Variants in CIC observed in about 807,000 individuals in gnomAD.
The protein encoded by CIC is capicua transcriptional repressor, also known as protein capicua homolog.
Under a neutral mutation model 115.7 loss-of-function variants are expected in CIC, and 18 were observed. The observed-to-expected ratio is 0.16, with a 90% CI of 0.11 to 0.23. CIC has a LOEUF of 0.23. Ranked by LOEUF, CIC falls within the 10% of genes least tolerant of loss-of-function variation. CIC has a pLI of 1.00. For missense variants in CIC, 2,000 were observed against 2,159.3 expected (o/e 0.93, Z 1.46); for synonymous variants, 1,076 against 923.0 (o/e 1.17, Z -3.01).
intron 2 of CIC, among the ~76,000 whole-genome samples, chr19:42,282,463 CT>C (rs886184166): frequency 4.8e-4 from 73 of 152,362 alleles, no homozygotes; most frequent in African/African-American, 1.7e-3. Context: ...TCCAGGGCCC[CT>C]CTTGGGTGAT....
At chr19:42,289,592 G>A (rs1206149505) in intron 9 of CIC, among the ~76,000 whole-genome samples, 186 bp downstream of exon 9, 2 of 152,234 alleles carry the variant, frequency 1.3e-5, no homozygotes, top group Admixed American at 6.5e-5. Context: ...CCCCAGCCCT[G>A]CAGGAAATCT....
rs746154502 is a variant in CIC at position 42,292,964 on chromosome 19, A to G, written c.6205A>G (p.Met2069Val). The G allele has an allele frequency of 7.0e-5, 113 of 1,613,588 alleles. No homozygotes were observed. Among genetic ancestry groups the G allele is most frequent in the East Asian group, 6.7e-5 (3 of 44,822 alleles). ...AATTTTCTCCCCACTAGCAGGTTCC[A>G]TGACCTACAGCTTAGTGGCCCCCAA... is the stretch of plus-strand genomic sequence containing the variant. ...SPFPSATAGS[M>V]TYSLVAPKAQ... The change falls in exon 16 of 21, where the codon ATG (methionine) becomes GTG (valine). Residue 2069 changes from methionine to valine, a missense_variant. Physicochemically the swap from Met to Val is conservative, Grantham distance 21. Coordinates refer to ENST00000681038, the MANE Select transcript of CIC (RefSeq NM_001386298.1).
chr19:42,290,207 G>A, intron 10 of CIC, 26 bp from the exon 11 acceptor site: 7 of 1,613,946 alleles, frequency 4.3e-6, no homozygotes, highest in South Asian at 1.1e-5. Flanking sequence ...GTCCTGACCT[G>A]GGGTGTCTCC....
At position 42,280,172 on chromosome 19, in the gene CIC, A is replaced by C. The variant is rs2037162484; in HGVS notation, c.2794+5595A>C. On this transcript the variant is annotated intron_variant, in intron 2 of 20. Transcript: ENST00000681038. This position sits in a 1 kb window ranked among gnomAD's most constrained non-coding sequence, Gnocchi z 4.9. ...GCGCCGCCTCCTCCACCCCCACCCT[A>C]TCCCCTGTTCCCGCTCCCCACGAGG... The C allele has an allele frequency of 6.7e-6, 1 of 148,368 alleles. No homozygotes were observed. The highest frequency in any genetic ancestry group is 2.1e-4 in the South Asian group (1 of 4,722). 9.2% of individuals were successfully genotyped at this position (148,368 alleles called of 1,614,324 possible). A position where few individuals can be genotyped will look rare whatever the true frequency, so the allele number is the denominator to read the frequency against.
intron 2 of CIC, chr19:42,284,214 C>G (rs1439597925): frequency 1.4e-5 from 2 of 140,850 alleles, no homozygotes; most frequent in African/African-American, 5.3e-5. Context: ...CGCCGGCAGC[C>G]GGGACGCGCG....
At chr19:42,286,456 G>C (rs144220015) in intron 2 of CIC, among the ~76,000 whole-genome samples, 11 of 152,206 alleles carry the variant, frequency 7.2e-5, no homozygotes, top group African/African-American at 2.6e-4. Context: ...AGCATGACCT[G>C]GTTTGTGGCA....
chr19:42,289,769 A>G (rs1342944302), intron 9 of CIC, 79 bp from the exon 10 acceptor site: 1 of 1,240,552 alleles, frequency 8.1e-7, no homozygotes, highest in Non-Finnish European at 1.2e-6. Context: ...AGCAGAGCTG[A>G]GATCCAGGCT....
chr19:42,288,571 T>C (rs889821854), intron 7 of CIC, among the ~76,000 whole-genome samples: 1 of 152,146 alleles, frequency 6.6e-6, no homozygotes, highest in Non-Finnish European at 1.5e-5. Flanking sequence ...CACTAGTTAC[T>C]TCCTCTTTGA....
At chr19:42,276,374 G>T (rs191426390) in intron 2 of CIC, among the ~76,000 whole-genome samples, 2 of 152,204 alleles carry the variant, frequency 1.3e-5, no homozygotes, top group African/African-American at 4.8e-5. Context: ...AACCACTGCT[G>T]CACCATAGAG....
intron 12 of CIC, 118 bp from the exon 13 acceptor site, chr19:42,291,968 C>G (rs1035756615): frequency 6.7e-7 from 1 of 1,489,376 alleles, no homozygotes; most frequent in Admixed American, 1.7e-5. Flanking sequence ...CCATCCTGTT[C>G]TCACCCCAAG....
intron 2 of CIC, chr19:42,284,222 G>C (rs1043972305): frequency 2.0e-5 from 3 of 147,360 alleles, no homozygotes; most frequent in African/African-American, 7.3e-5. Flanking sequence ...GCCGGGACGC[G>C]CGGGGCCAGA....
chr19:42,284,782 C>T, intron 2 of CIC: 1 of 1,548,900 alleles, frequency 6.5e-7, no homozygotes, highest in Non-Finnish European at 8.7e-7. Context: ...GTCAGTAGCG[C>T]CTGGGCCCTG....
chr19:42,289,492 G>A (rs1052665963), intron 9 of CIC, 86 bp downstream of exon 9: 8 of 1,411,212 alleles, frequency 5.7e-6, no homozygotes, highest in Non-Finnish European at 7.8e-6. Flanking sequence ...CAGGCCCCTA[G>A]GCCCCTTTGT....
intron 19 of CIC, 114 bp from the exon 20 acceptor site, chr19:42,294,488 CCT>C: frequency 2.6e-6 from 4 of 1,564,862 alleles, no homozygotes; most frequent in Non-Finnish European, 3.5e-6. Flanking sequence ...GGGCAGGACC[CCT>C]CTCTGACTCC....
intron 2 of CIC, among the ~76,000 whole-genome samples, chr19:42,276,074 C>T (rs1263632044): frequency 6.6e-6 from 1 of 152,178 alleles, no homozygotes; most frequent in Non-Finnish European, 1.5e-5. Flanking sequence ...GGAAGAAGGG[C>T]CAGATGCCTA....
At chr19:42,279,829 G>A (rs2037140135) in intron 2 of CIC, among the ~76,000 whole-genome samples, 1 of 152,196 alleles carries the variant, frequency 6.6e-6, no homozygotes, top group Non-Finnish European at 1.5e-5. Context: ...AGGAGGAGAG[G>A]AGGAAGAGCT....
rs1212174715 is a variant in CIC, at chr19:42,269,356, C to T, written c.-36C>T. ...GGACCGAGCCGGGGCCACGGCCCCC[C>T]GCCCCGAAACCCCGCCGAGCCCAAG... On this transcript the variant is annotated 5_prime_UTR_variant, in exon 1 of 21. Transcript: ENST00000681038. 6.8e-6 allele frequency: 1 copy of T among 146,788 alleles called. No individual in the cohort carries two copies. Among genetic ancestry groups the T allele is most frequent in the Non-Finnish European group, 1.5e-5 (1 of 66,352 alleles). 9.1% of individuals were successfully genotyped at this position (146,788 alleles called of 1,614,324 possible).
In CIC at chr19:42,293,278, C is replaced by T; in HGVS notation, c.6519C>T (p.Thr2173=). 6.4e-7 allele frequency: 1 copy of T among 1,573,764 alleles called. No homozygotes were observed. The highest frequency in any genetic ancestry group is 8.6e-7 in the Non-Finnish European group (1 of 1,162,776). The part of the protein sequence containing the change: ...EERTSAKGPE[T]MASKFPSSSS... The stretch of plus-strand genomic sequence containing the variant: ...GGACCAGCGCCAAGGGCCCTGAGAC[C>T]ATGGTGAGCGCCTGCAGGCCGTGGG... Residue 2173 remains threonine, a synonymous_variant, in exon 16 of 21, where the codon ACC becomes ACT. Transcript: ENST00000681038.
In CIC at chr19:42,291,683, C is replaced by T. The variant is rs2147281902; in HGVS notation, c.5551C>T (p.Leu1851=). 6.2e-7 allele frequency: 1 copy of T among 1,613,076 alleles called. No homozygotes were observed. ...SVRGGGAGQP[L]PLVSPPFSVP... ...GCGGGGTGGAGGGGCCGGCCAGCCA[C>T]TGCCACTGGTGAGCCCGCCCTTCTC... The change falls in exon 12 of 21, where the codon CTG becomes TTG. Residue 1851 remains leucine (L), a synonymous_variant. Coordinates refer to ENST00000681038, the MANE Select transcript of CIC (RefSeq NM_001386298.1).
Sources: allele counts gnomAD v4.1 joint callset (sites outside exome capture counted in the v4.1 genomes callset), GRCh38; gene constraint gnomAD v4.1.1; non-coding constraint Gnocchi (gnomAD v3.1); transcripts MANE v1.5; gene names NCBI Gene and HGNC (gene_info 2026-07-23, HGNC 2026-07-21).